The following PSD3 variants were observed in gnomAD, a reference collection of about 807,000 sequenced individuals.
PSD3 encodes PH and SEC7 domain-containing protein 3.
In PSD3, 49 loss-of-function variants were observed where a neutral mutation model predicts 105.5. The observed-to-expected ratio is 0.46, with a 90% CI of 0.37 to 0.59. The LOEUF (loss-of-function observed/expected upper bound fraction) is 0.59. PSD3 is among the 20% of genes least tolerant of loss of function. The probability of loss-of-function intolerance (pLI) is 0.00; values close to 1 mark genes in which losing one functional copy is unlikely to be tolerated. For missense variants in PSD3, 1,561 were observed against 1,263.8 expected, an observed-to-expected ratio of 1.24 and a Z score of -3.57; for synonymous variants, 557 against 457.8, an observed-to-expected ratio of 1.22 and a Z score of -2.77.
upstream of PSD3, among the ~76,000 whole-genome samples, chr8:19,016,318 G>A (rs775889023): frequency 6.6e-6 from 1 of 152,022 alleles, no homozygotes; most frequent in Non-Finnish European, 1.5e-5. Context: ...TAATGTATGT[G>A]GTGTGGAGAG....
intron 8 of PSD3, among the ~76,000 whole-genome samples, chr8:18,792,675 A>T (rs1243581228): frequency 6.6e-6 from 1 of 152,120 alleles, no homozygotes; most frequent in African/African-American, 2.4e-5. Flanking sequence ...GTCAGGAAAC[A>T]ACAGGTGCTG....
intron 14 of PSD3, among the ~76,000 whole-genome samples, chr8:18,558,769 C>T (rs929102697): frequency 1.3e-5 from 2 of 152,044 alleles, no homozygotes; most frequent in South Asian, 2.1e-4. Flanking sequence ...TGCAGTGAGT[C>T]GAGGTTGCGC....
At chr8:18,546,660 C>T (rs977262427) in intron 15 of PSD3, among the ~76,000 whole-genome samples, 5 of 152,050 alleles carry the variant, frequency 3.3e-5, no homozygotes, top group Admixed American at 6.6e-5. Context: ...ATCTATTATC[C>T]TCAGGAAATT....
At chr8:18,922,281 A>T (rs547409646) in intron 2 of PSD3, among the ~76,000 whole-genome samples, 45 of 152,322 alleles carry the variant, frequency 3.0e-4, no homozygotes, top group African/African-American at 1.1e-3. Context: ...AGTCAATAAA[A>T]GGCAAGCTCT....
At chr8:19,076,475 T>C (rs1395989473) in intron 1 of PSD3, among the ~76,000 whole-genome samples, 5 of 151,766 alleles carry the variant, frequency 3.3e-5, no homozygotes, top group Non-Finnish European at 7.4e-5. Context: ...GTGGGAGAGA[T>C]GCAAATATAA....
chr8:18,718,562 A>C (rs374441657), intron 9 of PSD3, among the ~76,000 whole-genome samples: 1 of 152,246 alleles, frequency 6.6e-6, no homozygotes, highest in Non-Finnish European at 1.5e-5. Flanking sequence ...ATTTGCTAAA[A>C]CAAATGTTTA....
At chr8:18,816,033 G>A (rs775566717) in intron 4 of PSD3, among the ~76,000 whole-genome samples, 1 of 152,132 alleles carries the variant, frequency 6.6e-6, no homozygotes, top group African/African-American at 2.4e-5. Context: ...GTCACTTCCT[G>A]CTTTCATCTC....
intron 9 of PSD3, among the ~76,000 whole-genome samples, chr8:18,724,945 G>C (rs953931600): frequency 2.6e-5 from 4 of 152,200 alleles, no homozygotes; most frequent in Admixed American, 6.5e-5. Flanking sequence ...GGCAAAATTA[G>C]TGGCTCAGAA....
intron 9 of PSD3, among the ~76,000 whole-genome samples, chr8:18,755,872 A>G (rs1805997684): frequency 6.6e-6 from 1 of 152,038 alleles, no homozygotes; most frequent in Non-Finnish European, 1.5e-5. Context: ...CACCAAAAGC[A>G]GCATCATTAT....
At chr8:18,916,378 A>AC (rs71218909) in intron 2 of PSD3, among the ~76,000 whole-genome samples, 29,210 of 79,180 alleles carry the variant, frequency 0.37, 6,476 homozygotes, top group African/African-American at 0.42. Flanking sequence ...ACACACACAC[A>AC]AACAGAATAC....
At chr8:18,664,375 T>C (rs954643063) in intron 9 of PSD3, among the ~76,000 whole-genome samples, 2 of 152,192 alleles carry the variant, frequency 1.3e-5, no homozygotes, top group Non-Finnish European at 2.9e-5. Context: ...ATGGTCTGGA[T>C]AGAAGATCAA....
chr8:18,640,915 G>C (rs889089158), intron 10 of PSD3, among the ~76,000 whole-genome samples: 2 of 152,098 alleles, frequency 1.3e-5, no homozygotes, highest in African/African-American at 2.4e-5. Context: ...AACCCAGTGG[G>C]GCAGAGCTCA....
chr8:18,914,692 A>C (rs1279116418), intron 2 of PSD3, among the ~76,000 whole-genome samples: 1 of 152,236 alleles, frequency 6.6e-6, no homozygotes, highest in African/African-American at 2.4e-5. Context: ...ACTATAAAAC[A>C]CTAATGAAAA....
intron 14 of PSD3, among the ~76,000 whole-genome samples, chr8:18,559,526 G>C (rs1453485881): frequency 6.6e-6 from 1 of 151,990 alleles, no homozygotes; most frequent in East Asian, 1.9e-4. Flanking sequence ...TCTATTTGTG[G>C]TTAGGAAATA....
intron 8 of PSD3, among the ~76,000 whole-genome samples, chr8:18,776,385 T>A (rs1808087846): frequency 7.7e-6 from 1 of 129,492 alleles, no homozygotes; most frequent in South Asian, 2.3e-4. Context: ...TATATATAAT[T>A]TTTTTTTTTT....
intron 4 of PSD3, among the ~76,000 whole-genome samples, chr8:18,840,198 C>T (rs1814499816): frequency 6.6e-6 from 1 of 152,182 alleles, no homozygotes; most frequent in African/African-American, 2.4e-5. Flanking sequence ...CACCCACCTG[C>T]AAATGTCCCC....
At chr8:18,804,282 C>T in intron 6 of PSD3, 1 of 382,622 alleles carries the variant, frequency 2.6e-6, no homozygotes, top group South Asian at 8.0e-5. Context: ...CTCCCTAAAG[C>T]ATTTCAGATT....
chr8:19,020,910 G>A (rs549285356), intron 1 of PSD3, among the ~76,000 whole-genome samples: 1 of 152,154 alleles, frequency 6.6e-6, no homozygotes, highest in South Asian at 2.1e-4. Flanking sequence ...TGTAATTTTT[G>A]GACATGTTAA....
intron 11 of PSD3, among the ~76,000 whole-genome samples, chr8:18,628,181 G>C (rs1242696116): frequency 6.6e-6 from 1 of 151,784 alleles, no homozygotes; most frequent in Non-Finnish European, 1.5e-5. Flanking sequence ...AGGAGTGGAG[G>C]CTTTAAGAAA....
Sources: allele counts gnomAD v4.1 joint callset (sites outside exome capture counted in the v4.1 genomes callset), GRCh38; gene constraint gnomAD v4.1.1; transcripts MANE v1.5; gene names NCBI Gene and HGNC (gene_info 2026-07-23, HGNC 2026-07-21).